The following ANKRD36C variants were observed in gnomAD, a reference collection of about 807,000 sequenced individuals.
ANKRD36C encodes ankyrin repeat domain 36C.
ANKRD36C carries 61 observed loss-of-function variants against 276.4 expected under a neutral mutation model. That is an observed-to-expected ratio of 0.22 (90% CI 0.18 to 0.27). The LOEUF (loss-of-function observed/expected upper bound fraction) is 0.27, where lower values mean the gene tolerates loss of function less well. ANKRD36C is among the 10% of genes least tolerant of loss of function. The pLI is 1.00. For missense variants in ANKRD36C, 1,447 were observed against 2,032.3 expected (o/e 0.71, Z 5.54); for synonymous variants, 483 against 680.1 (o/e 0.71, Z 4.51).
At chr2:95,952,518 T>A (rs1678223509) in intron 14 of ANKRD36C, among the ~76,000 whole-genome samples, 1 of 152,416 alleles carries the variant, frequency 6.6e-6, no homozygotes, top group South Asian at 2.1e-4. Flanking sequence ...AGAACATGAT[T>A]GGGGCTTTAA....
At chr2:95,868,250 G>T (rs1675723916) in intron 59 of ANKRD36C, among the ~76,000 whole-genome samples, 1 of 150,246 alleles carries the variant, frequency 6.7e-6, no homozygotes. Flanking sequence ...TTCTGTATTG[G>T]TTTTGTACTG....
chr2:95,962,385 T>C (rs1287781828), exon 8 of ANKRD36C: 1 of 1,563,432 alleles, frequency 6.4e-7, no homozygotes, highest in Admixed American at 1.9e-5. Context: ...TTTATTTCTG[T>C]GGCTATATTC....
intron 18 of ANKRD36C, among the ~76,000 whole-genome samples, chr2:95,944,898 G>A (rs1677995440): frequency 6.6e-6 from 1 of 152,416 alleles, no homozygotes; most frequent in Middle Eastern, 3.4e-3. Context: ...ATAGCCAGGT[G>A]TGGTGGTGCA....
At chr2:95,854,425 T>G (rs13424445) in intron 63 of ANKRD36C, among the ~76,000 whole-genome samples, 3 of 151,954 alleles carry the variant, frequency 2.0e-5, no homozygotes, top group African/African-American at 7.3e-5. Flanking sequence ...ATCCTGCCAC[T>G]CCTCGTTAGT....
At chr2:95,971,558 CATATATT>C (rs1678698299) in intron 6 of ANKRD36C, among the ~76,000 whole-genome samples, 1 of 151,766 alleles carries the variant, frequency 6.6e-6, no homozygotes, top group Admixed American at 6.6e-5. Flanking sequence ...GCTATATTAC[CATATATT>C]ATAGCAAGAT....
At chr2:95,897,107 C>G (rs1425276219) in intron 44 of ANKRD36C, among the ~76,000 whole-genome samples, 163 bp downstream of exon 60, 4 of 150,320 alleles carry the variant, frequency 2.7e-5, no homozygotes, top group Non-Finnish European at 4.5e-5. Context: ...ACGTTCCAGA[C>G]CAGCAGCATC....
At chr2:95,912,107 G>A (rs1451458720) in intron 42 of ANKRD36C, 137 bp downstream of exon 44, 3 of 1,280,040 alleles carry the variant, frequency 2.3e-6, no homozygotes, top group South Asian at 1.4e-5. Context: ...CATAACCCAA[G>A]AACTTATTAG....
intron 61 of ANKRD36C, among the ~76,000 whole-genome samples, chr2:95,858,236 T>A (rs1387209692): frequency 6.6e-6 from 1 of 152,184 alleles, no homozygotes; most frequent in East Asian, 1.9e-4. Flanking sequence ...TGGCTCAGAA[T>A]AAATCTCTTC....
chr2:95,954,428 C>T (rs1678280350), intron 13 of ANKRD36C, among the ~76,000 whole-genome samples: 1 of 152,122 alleles, frequency 6.6e-6, no homozygotes, highest in Non-Finnish European at 1.5e-5. Context: ...AGAAAAGGCA[C>T]GGTCTCTTCT....
At chr2:95,938,302 A>T (rs1677773355) in intron 22 of ANKRD36C, among the ~76,000 whole-genome samples, 1 of 152,306 alleles carries the variant, frequency 6.6e-6, no homozygotes, top group Non-Finnish European at 1.5e-5. Flanking sequence ...TGTATCTACC[A>T]AAGAGTTACA....
Position 95,925,518 on chromosome 2 carries a change from C to A in ANKRD36C, c.1968+1G>T. Reference sequence around the variant, plus strand: ...CAAAATATAAATGAAAGAGTAACTACCTTCCAGGCTGATTGTTTCTGAGGA... The same window carrying A: ...CAAAATATAAATGAAAGAGTAACTAACTTCCAGGCTGATTGTTTCTGAGGA... On this transcript the variant is annotated splice_donor_variant, in intron 29 of 66. Transcript: ENST00000456556. LOFTEE classifies it high-confidence loss of function. 1 of 1,550,060 alleles carries A rather than the reference C, an allele frequency of 6.5e-7. No homozygotes were observed. The highest frequency in any genetic ancestry group is 8.7e-7 in the Non-Finnish European group (1 of 1,146,710).
At chr2:95,947,455 T>C (rs1032265635) in intron 17 of ANKRD36C, among the ~76,000 whole-genome samples, 7 of 152,198 alleles carry the variant, frequency 4.6e-5, no homozygotes, top group Admixed American at 3.3e-4. Context: ...GACATTATTC[T>C]GGGTGCTTAA....
Position 95,925,343 on chromosome 2 carries a change from C to T in ANKRD36C, c.2041+9G>A, listed in dbSNP as rs895323310. ...TGCACATGACATTAAATGTGTATTGCCAAATTACCTGTTCCAGATTTCCCA... is the reference window on the plus strand; with the variant it reads ...TGCACATGACATTAAATGTGTATTGTCAAATTACCTGTTCCAGATTTCCCA... On this transcript the variant is annotated intron_variant, in intron 30 of 66. Transcript: ENST00000456556. 3 of 1,573,620 alleles carry T rather than the reference C, an allele frequency of 1.9e-6. No individual in the cohort carries two copies. Among genetic ancestry groups the T allele is most frequent in the Middle Eastern group, 4.6e-4 (2 of 4,364 alleles).
At chr2:95,903,246 G>C (rs1319002072) in intron 42 of ANKRD36C, among the ~76,000 whole-genome samples, 165 bp from the exon 53 acceptor site, 1 of 150,614 alleles carries the variant, frequency 6.6e-6, no homozygotes, top group Non-Finnish European at 1.5e-5. Flanking sequence ...GAAATATGCT[G>C]AGAAAAGGGA....
At chr2:95,859,899 A>G (rs770820289) in exon 61 of ANKRD36C, 3 of 1,550,352 alleles carry the variant, frequency 1.9e-6, no homozygotes, top group Admixed American at 2.0e-5. Flanking sequence ...CAAGTGTTTC[A>G]TGCTTTAACT....
chr2:95,957,766 G>A (rs1678365229), intron 12 of ANKRD36C, among the ~76,000 whole-genome samples: 1 of 152,210 alleles, frequency 6.6e-6, no homozygotes, highest in Non-Finnish European at 1.5e-5. Flanking sequence ...AAATAGTCTG[G>A]TTTGAAGGAT....
At chr2:95,922,919 C>T (rs1677309979) in intron 32 of ANKRD36C, among the ~76,000 whole-genome samples, 1 of 151,630 alleles carries the variant, frequency 6.6e-6, no homozygotes. Flanking sequence ...AAAATCAAAT[C>T]TTTTTTGTGT....
intron 28 of ANKRD36C, among the ~76,000 whole-genome samples, chr2:95,926,556 GCC>G (rs1277915961): frequency 6.6e-6 from 1 of 151,496 alleles, no homozygotes; most frequent in Non-Finnish European, 1.5e-5. Flanking sequence ...TATCTCTGAT[GCC>G]CAACAGTAAC....
Position 95,851,682 on chromosome 2 carries a change from A to G in ANKRD36C, c.5313+12T>C. 6.8e-7 allele frequency: 1 copy of G among 1,472,250 alleles called. No homozygotes were observed. Among genetic ancestry groups the G allele is most frequent in the African/African-American group, 1.4e-5 (1 of 71,818 alleles). The allele number at this position is 1,472,250 out of a possible 1,614,324, so 91.2% of individuals were successfully genotyped here. On this transcript the variant is annotated intron_variant, in intron 66 of 66. Coordinates refer to ENST00000456556, the Ensembl canonical transcript of ANKRD36C. ...CCTTTTCAGTATGACAGAAATTAAGAAATCAGCTTACCAAACTTGAATGCT... is the reference window on the plus strand; with the variant it reads ...CCTTTTCAGTATGACAGAAATTAAGGAATCAGCTTACCAAACTTGAATGCT...
Sources: gnomAD v4.1 joint callset for allele counts (sites outside exome capture counted in the v4.1 genomes callset) on GRCh38, gnomAD v4.1.1 for gene constraint, MANE v1.5 for transcripts, NCBI Gene and HGNC (gene_info 2026-07-23, HGNC 2026-07-21) for gene names.